The following PCSK5 variants were observed in gnomAD, a reference collection of about 807,000 sequenced individuals.
The protein encoded by PCSK5 is proprotein convertase subtilisin/kexin type 5.
PCSK5 carries 129 observed loss-of-function variants against 233.2 expected under a neutral mutation model. That is an observed-to-expected ratio of 0.55 (90% confidence interval 0.48 to 0.64). The LOEUF is 0.64. Among genes scored for constraint, PCSK5 ranks in the 30% least tolerant of loss-of-function variants. The probability of loss-of-function intolerance (pLI) is 0.00; values close to 1 mark genes in which losing one functional copy is unlikely to be tolerated. For synonymous variants in PCSK5, 825 were observed against 879.2 expected (o/e 0.94, Z 1.09); for missense variants, 2,076 against 2,430.1 (o/e 0.85, Z 3.06).
At chr9:75,926,602 C>A (rs1298962330) in intron 1 of PCSK5, among the ~76,000 whole-genome samples, 1 of 152,164 alleles carries the variant, frequency 6.6e-6, no homozygotes, top group African/African-American at 2.4e-5. Context: ...CAGCCTGTTC[C>A]CACTCCACAC....
chr9:76,232,257 C>A (rs1017473145), intron 21 of PCSK5, among the ~76,000 whole-genome samples: 2 of 152,210 alleles, frequency 1.3e-5, no homozygotes, highest in African/African-American at 4.8e-5. Context: ...GAGAAAAAGA[C>A]ATCCTTCCCT....
chr9:76,115,273 C>T (rs1162650501), intron 9 of PCSK5, among the ~76,000 whole-genome samples: 1 of 151,970 alleles, frequency 6.6e-6, no homozygotes, highest in Non-Finnish European at 1.5e-5. Flanking sequence ...ACCAGCCTCC[C>T]CATCAGCTAA....
rs559524467 is a variant in PCSK5 at position 76,224,989 on chromosome 9, A to G, written c.2627-2514A>G. On this transcript the variant is annotated intron_variant, in intron 20 of 37. Transcript: ENST00000674117. The stretch of plus-strand genomic sequence containing the variant: ...GCAAGGTGTTTTAGTTTAAAATCCT[A>G]TCCTAGCATTGGATCTGACACATCA... 6.6e-5 allele frequency among the ~76,000 whole-genome samples: 10 copies of G among 152,334 alleles called. No homozygotes were observed. In the South Asian group the frequency reaches 1.9e-3, roughly 28 times the overall value.
intron 5 of PCSK5, among the ~76,000 whole-genome samples, chr9:76,056,278 G>A (rs1347514820): frequency 6.6e-6 from 1 of 152,092 alleles, no homozygotes; most frequent in Non-Finnish European, 1.5e-5. Flanking sequence ...GTGACCTGAT[G>A]TCTCTGATTC....
In PCSK5 at chr9:76,024,407, A is replaced by G. The variant is rs576887861; in HGVS notation, c.555+526A>G. ...CAGTTGAGTTGCTGCATCTAAGTGC[A>G]CTCAGATAAACTGTCTCTTTACAGA... is the stretch of plus-strand genomic sequence containing the variant. On this transcript the variant is annotated intron_variant, in intron 4 of 37. Coordinates refer to ENST00000674117, the MANE Select transcript of PCSK5 (RefSeq NM_001372043.1). Among the ~76,000 whole-genome samples, 65 of 152,324 alleles carry G rather than the reference A, an allele frequency of 4.3e-4. 1 individual carries two copies. Among genetic ancestry groups the G allele is most frequent in the African/African-American group, 1.5e-3 (64 of 41,586 alleles).
At chr9:75,998,439 A>T (rs964814327) in intron 3 of PCSK5, among the ~76,000 whole-genome samples, 2 of 152,218 alleles carry the variant, frequency 1.3e-5, no homozygotes, top group Admixed American at 1.3e-4. Flanking sequence ...GAACTCACAG[A>T]CCACTAAATT....
intron 2 of PCSK5, 53 bp from the exon 3 acceptor site, chr9:75,986,079 G>T: frequency 9.6e-7 from 1 of 1,044,430 alleles, no homozygotes; most frequent in Non-Finnish European, 1.5e-6. Flanking sequence ...TGTCATTTAT[G>T]TTGTAATAAC....
At chr9:76,328,523 C>T (rs888770167) in intron 33 of PCSK5, among the ~76,000 whole-genome samples, 14 of 152,118 alleles carry the variant, frequency 9.2e-5, no homozygotes, top group East Asian at 3.9e-4. Context: ...CTCTCTCTAT[C>T]GCTCTCTTCC....
intron 3 of PCSK5, among the ~76,000 whole-genome samples, chr9:76,020,005 G>A (rs966123189): frequency 2.0e-5 from 3 of 152,216 alleles, no homozygotes; most frequent in Non-Finnish European, 2.9e-5. Context: ...GTGCACGTAT[G>A]TGGTTTTCAA....
rs547940191 is a variant in PCSK5, at chr9:76,320,825, T to G, written c.3885-597T>G. On this transcript the variant is annotated intron_variant, in intron 30 of 37. Transcript: ENST00000674117. ...ACTATCTGGTTTTTGGTTTTGTTTT[T>G]TTTTTTTTAAGACAGAGTCTCACTC... Among the ~76,000 whole-genome samples, 256 of 151,036 alleles carry G rather than the reference T, an allele frequency of 1.7e-3. 3 individuals are homozygous for G. The East Asian group carries it at 0.022, about 13-fold the overall frequency.
At chr9:75,907,757 GCA>G (rs2131218761) in intron 1 of PCSK5, among the ~76,000 whole-genome samples, 2 of 152,290 alleles carry the variant, frequency 1.3e-5, no homozygotes, top group East Asian at 3.9e-4. Context: ...GGGAAGAACA[GCA>G]CAGAGTTCCC....
At chr9:76,042,549 G>C (rs181972922) in intron 5 of PCSK5, among the ~76,000 whole-genome samples, 53 of 152,246 alleles carry the variant, frequency 3.5e-4, no homozygotes, top group East Asian at 1.2e-3. Context: ...CAGCTACTAG[G>C]GGGGGCTGAG....
chr9:76,184,317 G>C (rs1824002970), intron 16 of PCSK5, among the ~76,000 whole-genome samples: 2 of 151,802 alleles, frequency 1.3e-5, no homozygotes, highest in Non-Finnish European at 2.9e-5. Context: ...TGTTGTCCCA[G>C]CTTCATGAGG....
intron 1 of PCSK5, among the ~76,000 whole-genome samples, chr9:75,916,934 G>A (rs1020709439): frequency 1.3e-5 from 2 of 152,076 alleles, no homozygotes; most frequent in African/African-American, 4.8e-5. Context: ...ACTTTGGGAG[G>A]CCAAGGCGGG....
intron 20 of PCSK5, chr9:76,193,364 A>C (rs1368209873): frequency 6.2e-7 from 1 of 1,602,038 alleles, no homozygotes; most frequent in Admixed American, 1.7e-5. Context: ...CAGCCATCTT[A>C]GATTTCTTTG....
At chr9:76,195,376 A>AATG (rs1171212691) in intron 20 of PCSK5, 1 of 152,180 alleles carries the variant, frequency 6.6e-6, no homozygotes, top group African/African-American at 2.4e-5. Context: ...GAAAGATAAA[A>AATG]ATGATGTCTG....
rs898301329 is a variant in PCSK5 at position 76,175,630 on chromosome 9, A to C, written c.1900+501A>C. 1.3e-4 allele frequency: 21 copies of C among 160,366 alleles called. 1 individual carries two copies. Among genetic ancestry groups the C allele is most frequent in the Non-Finnish European group, 8.1e-5 (6 of 73,756 alleles). The allele number at this position is 160,366 out of a possible 1,614,324, so 9.9% of individuals were successfully genotyped here. ...TGTTTTGAGACTTACTGCATCAAAG[A>C]GGATAATCAGCTTTAGGGCTTGGAA... On this transcript the variant is annotated intron_variant, in intron 14 of 37. Coordinates refer to ENST00000674117, the MANE Select transcript of PCSK5 (RefSeq NM_001372043.1).
At chr9:75,981,808 C>T (rs1826288999) in intron 2 of PCSK5, among the ~76,000 whole-genome samples, 1 of 152,190 alleles carries the variant, frequency 6.6e-6, no homozygotes, top group African/African-American at 2.4e-5. Context: ...AACCATCCTC[C>T]TGCCTTGGCC....
At chr9:75,942,629 T>A (rs1824364101) in intron 2 of PCSK5, among the ~76,000 whole-genome samples, 1 of 152,190 alleles carries the variant, frequency 6.6e-6, no homozygotes, top group African/African-American at 2.4e-5. Flanking sequence ...TGTTCTCTTC[T>A]GCTTTATCCG....
Sources: allele counts gnomAD v4.1 joint callset (sites outside exome capture counted in the v4.1 genomes callset), GRCh38; gene constraint gnomAD v4.1.1; transcripts MANE v1.5; gene names NCBI Gene and HGNC (gene_info 2026-07-23, HGNC 2026-07-21).